ATP11B: variants seen among roughly 807,000 people sequenced by gnomAD.
The protein encoded by ATP11B is ATPase phospholipid transporting 11B (putative).
In ATP11B, 81 loss-of-function variants were observed where a neutral mutation model predicts 157.8. The ratio of observed to expected loss-of-function variants is 0.51; its 90% CI spans 0.43 to 0.62. ATP11B has a LOEUF of 0.62. ATP11B is among the 20% of genes least tolerant of loss of function. The probability of loss-of-function intolerance (pLI) is 0.00; values close to 1 mark genes in which losing one functional copy is unlikely to be tolerated. For synonymous variants in ATP11B, 451 were observed against 469.4 expected, an observed-to-expected ratio of 0.96 and a Z score of 0.51; for missense variants, 1,165 against 1,402.2, an observed-to-expected ratio of 0.83 and a Z score of 2.70.
rs1725465248 is a variant in ATP11B at position 182,921,240 on chromosome 3, T to C, written c.*3136T>C. 1 of 152,096 alleles carries C rather than the reference T, an allele frequency of 6.6e-6. No individual in the cohort carries two copies. The highest frequency in any genetic ancestry group is 2.1e-4 in the South Asian group (1 of 4,834). The allele number at this position is 152,096 out of a possible 1,614,324, so 9.4% of individuals were successfully genotyped here. ...TTAATAAAAATAACACACCAAAGAGTTACGTAAAACATGTTTTATTAATTT... is the reference window on the plus strand; with the variant it reads ...TTAATAAAAATAACACACCAAAGAGCTACGTAAAACATGTTTTATTAATTT... On this transcript the variant is annotated 3_prime_UTR_variant, in exon 30 of 30. Transcript: ENST00000323116.
chr3:182,885,404 G>A, intron 22 of ATP11B, among the ~76,000 whole-genome samples: 1 of 152,098 alleles, frequency 6.6e-6, no homozygotes, highest in East Asian at 1.9e-4. Flanking sequence ...ACACCAGAGT[G>A]TACTATGTTG....
chr3:182,881,270 C>G (rs555805833), intron 21 of ATP11B, among the ~76,000 whole-genome samples: 1 of 152,212 alleles, frequency 6.6e-6, no homozygotes, highest in East Asian at 1.9e-4. Context: ...CCCGTCTCTA[C>G]TAAAAATACA....
At chr3:182,845,605 T>C in intron 9 of ATP11B, 83 bp downstream of exon 9, 1 of 819,892 alleles carries the variant, frequency 1.2e-6, no homozygotes, top group East Asian at 3.2e-5. Flanking sequence ...AATGTGGTCT[T>C]TTGGTTAGAT....
At chr3:182,869,201 C>T (rs1370221060) in intron 16 of ATP11B, 27 bp from the exon 17 acceptor site, 1 of 1,595,734 alleles carries the variant, frequency 6.3e-7, no homozygotes, top group Middle Eastern at 1.7e-4. Context: ...TATTAAGAGT[C>T]TGATAACTCA....
intron 11 of ATP11B, 36 bp downstream of exon 11, chr3:182,858,064 A>G (rs1170733276): frequency 6.4e-7 from 1 of 1,571,300 alleles, no homozygotes; most frequent in East Asian, 2.3e-5. Context: ...TCATAAAGGA[A>G]ACTATTACTT....
intron 10 of ATP11B, among the ~76,000 whole-genome samples, chr3:182,856,087 C>T (rs1215179578): frequency 1.7e-4 from 26 of 152,156 alleles, no homozygotes. Context: ...CAGAAATGTA[C>T]ATAGCCACTT....
intron 12 of ATP11B, among the ~76,000 whole-genome samples, chr3:182,860,969 G>A (rs565191102): frequency 7.9e-5 from 12 of 151,760 alleles, no homozygotes; most frequent in South Asian, 4.2e-4. Flanking sequence ...TGATATATGC[G>A]TTCCTAAAAT....
At chr3:182,890,497 C>T (rs1021060735) in intron 25 of ATP11B, among the ~76,000 whole-genome samples, 3 of 152,128 alleles carry the variant, frequency 2.0e-5, no homozygotes, top group African/African-American at 7.2e-5. Context: ...AGAAAATGAG[C>T]AAGTAAACTA....
chr3:182,865,605 A>G lies in ATP11B; in HGVS notation c.1350A>G (p.Leu450=). 3 of 1,613,766 alleles carry G rather than the reference A, an allele frequency of 1.9e-6. No homozygotes were observed. The highest frequency in any genetic ancestry group is 1.7e-4 in the Middle Eastern group (1 of 6,058). Residue 450 remains leucine, a synonymous_variant, in exon 13 of 30, where the codon TTA becomes TTG. Transcript: ENST00000323116. ...CACCAGACTCTTCAGAAGGAAACTTATCTTATCTTAGTAGTTTATCCCATC... is the reference window on the plus strand; with the variant it reads ...CACCAGACTCTTCAGAAGGAAACTTGTCTTATCTTAGTAGTTTATCCCATC... ...GPTPDSSEGN[L]SYLSSLSHLN...
rs1250256526 is a variant in ATP11B, at chr3:182,845,012, T to A, written c.705-446T>A. On this transcript the variant is annotated intron_variant, in intron 8 of 29. Transcript: ENST00000323116. ...TTTTTTTATTTTTTTTTTTATTTTT[T>A]TTTATTTTTGAGATGGAGTCTCACT... Among the ~76,000 whole-genome samples, 164 of 141,390 alleles carry A rather than the reference T, an allele frequency of 1.2e-3. 1 individual carries two copies. Among genetic ancestry groups the A allele is most frequent in the African/African-American group, 4.3e-3 (156 of 36,126 alleles). The allele number at this position is 141,390 out of a possible 152,430, so 92.8% of individuals were successfully genotyped here. A position where few individuals can be genotyped will look rare whatever the true frequency, so the allele number is the denominator to read the frequency against.
intron 1 of ATP11B, among the ~76,000 whole-genome samples, chr3:182,805,063 A>G (rs368828681): frequency 6.6e-6 from 1 of 152,198 alleles, no homozygotes; most frequent in African/African-American, 2.4e-5. Context: ...CCTTCTGGGT[A>G]TTAGAAATAA....
At chr3:182,832,620 A>G (rs1401856775) in intron 4 of ATP11B, among the ~76,000 whole-genome samples, 1 of 152,176 alleles carries the variant, frequency 6.6e-6, no homozygotes, top group Non-Finnish European at 1.5e-5. Context: ...AAAATAGGAA[A>G]AGGCTCCATT....
At chr3:182,907,809 A>G (rs891581574) in intron 28 of ATP11B, among the ~76,000 whole-genome samples, 2 of 152,188 alleles carry the variant, frequency 1.3e-5, no homozygotes, top group Non-Finnish European at 2.9e-5. Context: ...GTTCTAGTGG[A>G]TATTTCATAT....
intron 2 of ATP11B, among the ~76,000 whole-genome samples, chr3:182,826,226 A>G (rs536078147): frequency 1.3e-5 from 2 of 152,286 alleles, no homozygotes; most frequent in East Asian, 1.9e-4. Context: ...TCTACCATTT[A>G]TGTGCTAGTT....
chr3:182,847,050 C>CTTTTT (rs201462644), intron 9 of ATP11B, among the ~76,000 whole-genome samples: 1 of 132,714 alleles, frequency 7.5e-6, no homozygotes, highest in African/African-American at 2.8e-5. Flanking sequence ...TACTTTAAAA[C>CTTTTT]TTTTTTTTTT....
chr3:182,801,534 G>T (rs1478707139), intron 1 of ATP11B, among the ~76,000 whole-genome samples: 1 of 152,090 alleles, frequency 6.6e-6, no homozygotes, highest in Non-Finnish European at 1.5e-5. Flanking sequence ...GTATAAAGTT[G>T]GGCAAATGGT....
At chr3:182,878,942 A>G (rs1208639498) in intron 19 of ATP11B, among the ~76,000 whole-genome samples, 1 of 152,196 alleles carries the variant, frequency 6.6e-6, no homozygotes, top group African/African-American at 2.4e-5. Flanking sequence ...CATTTTAGAA[A>G]ATATAATTAC....
intron 29 of ATP11B, chr3:182,916,442 A>T (rs1725146119): frequency 1.0e-6 from 1 of 985,212 alleles, no homozygotes; most frequent in Non-Finnish European, 1.2e-6. Context: ...CAAAAATTTG[A>T]CTTACATTTT....
At chr3:182,875,678 T>C (rs1390095724) in intron 19 of ATP11B, among the ~76,000 whole-genome samples, 1 of 152,182 alleles carries the variant, frequency 6.6e-6, no homozygotes, top group Non-Finnish European at 1.5e-5. Flanking sequence ...TGACCTCAGG[T>C]GATCTGCCTG....
Sources: gnomAD v4.1 joint callset for allele counts (sites outside exome capture counted in the v4.1 genomes callset) on GRCh38, gnomAD v4.1.1 for gene constraint, MANE v1.5 for transcripts, NCBI Gene and HGNC (gene_info 2026-07-23, HGNC 2026-07-21) for gene names.